The following ZNF26 variants were observed in gnomAD, a reference collection of about 807,000 sequenced individuals.
ZNF26 encodes zinc finger protein 26.
A neutral mutation model predicts 54.9 loss-of-function variants in ZNF26; 32 were observed. The observed-to-expected ratio is 0.58, with a 90% CI of 0.44 to 0.78. ZNF26 has a LOEUF of 0.78. Among genes scored for constraint, ZNF26 ranks in the 30% least tolerant of loss-of-function variants. The pLI is 0.00. For missense variants in ZNF26, 524 were observed against 634.0 expected, an observed-to-expected ratio of 0.83 and a Z score of 1.86; for synonymous variants, 221 against 209.2, an observed-to-expected ratio of 1.06 and a Z score of -0.49.
intron 1 of ZNF26, among the ~76,000 whole-genome samples, chr12:132,989,205 T>A (rs1241079682): frequency 2.6e-5 from 4 of 151,870 alleles, no homozygotes; most frequent in Non-Finnish European, 5.9e-5. Flanking sequence ...CCCATCTAAT[T>A]TTTTTGTATT....
At chr12:132,998,401 A>G (rs1006822527) in intron 1 of ZNF26, among the ~76,000 whole-genome samples, 3 of 152,150 alleles carry the variant, frequency 2.0e-5, no homozygotes, top group Non-Finnish European at 4.4e-5. Context: ...TTCTGACCTC[A>G]TGATCTGCCC....
rs1398879688 is a variant in ZNF26 at position 133,012,723 on chromosome 12, G to C, written c.*1242G>C. 1 of 151,098 alleles carries C rather than the reference G, an allele frequency of 6.6e-6. No homozygotes were observed. Among genetic ancestry groups the C allele is most frequent in the African/African-American group, 2.4e-5 (1 of 41,074 alleles). 9.4% of individuals were successfully genotyped at this position (151,098 alleles called of 1,614,324 possible). ...TTTCCTTGCCTCAGCCTCCCAAGTG[G>C]CTAGGATTACATGCCTGGCTAATAT... On this transcript the variant is annotated 3_prime_UTR_variant, in exon 4 of 4. Coordinates refer to ENST00000328654, the MANE Select transcript of ZNF26 (RefSeq NM_019591.4).
chr12:132,991,059 A>T (rs370541533), intron 1 of ZNF26, among the ~76,000 whole-genome samples: 1 of 151,386 alleles, frequency 6.6e-6, no homozygotes, highest in African/African-American at 2.4e-5. Flanking sequence ...GGGTTTCACT[A>T]TGTTGGCCAG....
At chr12:133,003,402 C>G (rs905939245) in intron 1 of ZNF26, among the ~76,000 whole-genome samples, 3 of 151,908 alleles carry the variant, frequency 2.0e-5, no homozygotes, top group Admixed American at 2.0e-4. Context: ...CTACAGGCAC[C>G]CGCCACCACG....
chr12:133,022,726 A>G lies in ZNF26; in HGVS notation c.*11245A>G, dbSNP rs757264349. ...TATCCAGTTGATAAAATATGCAACT[A>G]TGAAATAAACTGAATAAATTGAACA... is the stretch of plus-strand genomic sequence containing the variant. On this transcript the variant is annotated 3_prime_UTR_variant, in exon 4 of 4. Coordinates refer to ENST00000328654, the MANE Select transcript of ZNF26 (RefSeq NM_019591.4). The G allele has an allele frequency of 1.3e-5, 2 of 152,262 alleles. No homozygotes were observed. The highest frequency in any genetic ancestry group is 1.9e-4 in the East Asian group (1 of 5,206). The allele number at this position is 152,262 out of a possible 1,614,324, so 9.4% of individuals were successfully genotyped here. A position where few individuals can be genotyped will look rare whatever the true frequency, so the allele number is the denominator to read the frequency against.
At chr12:132,988,029 G>T (rs1266851746) in intron 1 of ZNF26, among the ~76,000 whole-genome samples, 1 of 152,110 alleles carries the variant, frequency 6.6e-6, no homozygotes, top group African/African-American at 2.4e-5. Context: ...ATTTTTTTGA[G>T]ACGGAGTCTC....
chr12:132,995,507 G>A (rs1363438748), intron 1 of ZNF26, among the ~76,000 whole-genome samples: 2 of 150,802 alleles, frequency 1.3e-5, no homozygotes, highest in African/African-American at 4.9e-5. Context: ...TTACTTGTTT[G>A]CTAACATCAT....
intron 1 of ZNF26, among the ~76,000 whole-genome samples, chr12:132,996,504 T>C (rs1044980159): frequency 6.6e-6 from 1 of 152,344 alleles, no homozygotes; most frequent in Admixed American, 6.5e-5. Flanking sequence ...TCCAAGCATA[T>C]GATTTTATTT....
intron 3 of ZNF26, among the ~76,000 whole-genome samples, chr12:133,008,974 G>A (rs931349638): frequency 1.3e-5 from 2 of 151,898 alleles, no homozygotes; most frequent in Admixed American, 1.3e-4. Context: ...AAGGCGGGGC[G>A]GGGAATGTGC....
intron 1 of ZNF26, among the ~76,000 whole-genome samples, chr12:132,989,402 A>C (rs1952899388): frequency 6.6e-6 from 1 of 152,280 alleles, no homozygotes; most frequent in East Asian, 1.9e-4. Flanking sequence ...CTTCCTTCAC[A>C]GTCATTATAC....
chr12:133,006,130 C>T (rs1296662193), intron 1 of ZNF26: 3 of 985,268 alleles, frequency 3.0e-6, no homozygotes, highest in South Asian at 9.4e-5. Context: ...TCCCAGCCCC[C>T]ACTCTTTGCT....
At chr12:133,000,877 G>A (rs1029960776) in intron 1 of ZNF26, among the ~76,000 whole-genome samples, 31 of 152,196 alleles carry the variant, frequency 2.0e-4, no homozygotes, top group African/African-American at 7.0e-4. Context: ...TTCGTATCAA[G>A]CTTAAAGAAA....
intron 1 of ZNF26, among the ~76,000 whole-genome samples, chr12:133,003,353 A>G (rs1381968973): frequency 6.7e-6 from 1 of 148,652 alleles, no homozygotes; most frequent in Non-Finnish European, 1.5e-5. Flanking sequence ...CTCCTGGGTT[A>G]ACGCCATTCT....
Position 133,026,647 on chromosome 12 carries a change from C to T in ZNF26, c.*15166C>T, listed in dbSNP as rs2137292327. 6.6e-6 allele frequency: 1 copy of T among 151,820 alleles called. No individual in the cohort carries two copies. The highest frequency in any genetic ancestry group is 2.4e-5 in the African/African-American group (1 of 41,324). The allele number at this position is 151,820 out of a possible 1,614,324, so 9.4% of individuals were successfully genotyped here. A position where few individuals can be genotyped will look rare whatever the true frequency, so the allele number is the denominator to read the frequency against. On this transcript the variant is annotated 3_prime_UTR_variant, in exon 4 of 4. Coordinates refer to ENST00000328654, the MANE Select transcript of ZNF26 (RefSeq NM_019591.4). ...GTTCAAGTGATTATCATGCCTCAGC[C>T]TCCCAAGTAGCTGAGATTACGGGCA... is the stretch of plus-strand genomic sequence containing the variant.
rs1445430976 is a variant in ZNF26, at chr12:133,011,210, A to G, written c.1331A>G (p.His444Arg). The change falls in exon 4 of 4, where the codon CAT becomes CGT. Residue 444 changes from histidine (H) to arginine (R), a missense_variant. His to Arg is a conservative substitution (Grantham distance 29). Coordinates refer to ENST00000328654, the MANE Select transcript of ZNF26 (RefSeq NM_019591.4). ...AFCGKSQLII[H>R]QRTHSTEKPY... ...TGTGGAAAATCACAGCTGATTATAC[A>G]TCAGAGAACTCATTCAACTGAGAAG... The G allele has an allele frequency of 6.2e-7, 1 of 1,614,108 alleles. No homozygotes were observed.
At position 133,015,370 on chromosome 12, in the gene ZNF26, A is replaced by G. The variant is rs1466798739; in HGVS notation, c.*3889A>G. On this transcript the variant is annotated 3_prime_UTR_variant, in exon 4 of 4. Transcript: ENST00000328654. ...CTCTGTCTCAAAAAAAAAAAAAAAA[A>G]GAAAAGAAAATGACAAACACATGTT... The G allele has an allele frequency of 1.3e-5, 2 of 148,648 alleles. No individual in the cohort carries two copies. Among genetic ancestry groups the G allele is most frequent in the Non-Finnish European group, 3.0e-5 (2 of 67,606 alleles). 9.2% of individuals were successfully genotyped at this position (148,648 alleles called of 1,614,324 possible).
chr12:133,020,224 T>G lies in ZNF26; in HGVS notation c.*8743T>G, dbSNP rs1395110827. 2 of 152,160 alleles carry G rather than the reference T, an allele frequency of 1.3e-5. No individual in the cohort carries two copies. Among genetic ancestry groups the G allele is most frequent in the Non-Finnish European group, 2.9e-5 (2 of 68,040 alleles). The allele number at this position is 152,160 out of a possible 1,614,324, so 9.4% of individuals were successfully genotyped here. A position where few individuals can be genotyped will look rare whatever the true frequency, so the allele number is the denominator to read the frequency against. The stretch of plus-strand genomic sequence containing the variant: ...ATCCTGTCATTTGCAGCAACTGGGA[T>G]GGAACTGAAAGCCATTATAATAAGT... On this transcript the variant is annotated 3_prime_UTR_variant, in exon 4 of 4. Coordinates refer to ENST00000328654, the MANE Select transcript of ZNF26 (RefSeq NM_019591.4).
chr12:133,007,158 G>A lies in ZNF26; in HGVS notation c.150G>A (p.Leu50=), dbSNP rs963630902. ...RDVILENYHN[L]ISVGYHGTKP... ...TGATATTGGAAAACTATCATAACCTGATATCAGTGGGTAAGTACTGCGTCT... is the reference window on the plus strand; with the variant it reads ...TGATATTGGAAAACTATCATAACCTAATATCAGTGGGTAAGTACTGCGTCT... The change falls in exon 2 of 4, where the codon CTG becomes CTA. Residue 50 remains leucine (L), a synonymous_variant. Coordinates refer to ENST00000328654, the MANE Select transcript of ZNF26 (RefSeq NM_019591.4). The A allele has an allele frequency of 1.6e-4, 252 of 1,613,924 alleles. No individual in the cohort carries two copies. The highest frequency in any genetic ancestry group is 1.7e-4 in the Non-Finnish European group (205 of 1,179,948).
Position 133,024,402 on chromosome 12 carries a change from ATAG to A in ZNF26, c.*12922_*12924del, listed in dbSNP as rs1302830661. On this transcript the variant is annotated 3_prime_UTR_variant, in exon 4 of 4. Coordinates refer to ENST00000328654, the MANE Select transcript of ZNF26 (RefSeq NM_019591.4). ...CACTGTCACCTAATGTAAATGGAAA[ATAG>A]AAGATGTACCTCATGACCTCAGTGA... 6 of 152,206 alleles carry A rather than the reference ATAG, an allele frequency of 3.9e-5. No individual in the cohort carries two copies. Among genetic ancestry groups the A allele is most frequent in the Non-Finnish European group, 8.8e-5 (6 of 68,042 alleles). The allele number at this position is 152,206 out of a possible 1,614,324, so 9.4% of individuals were successfully genotyped here.
Sources: allele counts gnomAD v4.1 joint callset (sites outside exome capture counted in the v4.1 genomes callset), GRCh38; gene constraint gnomAD v4.1.1; transcripts MANE v1.5; gene names NCBI Gene and HGNC (gene_info 2026-07-23, HGNC 2026-07-21).